The following NUP153 variants were observed in gnomAD, a reference collection of about 807,000 sequenced individuals.
NUP153 encodes the protein nucleoporin 153.
NUP153 carries 27 observed loss-of-function variants against 134.6 expected under a neutral mutation model. The ratio of observed to expected loss-of-function variants is 0.20; its 90% CI spans 0.15 to 0.28. The LOEUF (loss-of-function observed/expected upper bound fraction) is 0.28. Ranked by LOEUF, NUP153 falls within the 10% of genes least tolerant of loss-of-function variation. The probability of loss-of-function intolerance (pLI) is 1.00; values close to 1 mark genes in which losing one functional copy is unlikely to be tolerated. For synonymous variants in NUP153, 640 were observed against 623.5 expected (o/e 1.03, Z -0.40); for missense variants, 1,821 against 1,731.3 (o/e 1.05, Z -0.92).
At chr6:17,686,616 C>T (rs1041036270) in intron 2 of NUP153, among the ~76,000 whole-genome samples, 1 of 150,934 alleles carries the variant, frequency 6.6e-6, no homozygotes, top group Non-Finnish European at 1.5e-5. Flanking sequence ...AGGATGGTCT[C>T]AATCTCCTGA....
rs1390908551 is a variant in NUP153 at position 17,616,698 on chromosome 6, G to A, written c.4175-3C>T. ...GCTGCCAAACTGGAAAGCCGAACCTGCAATAGTTAAAGCAGAAATACTTCA... is the reference window on the plus strand; with the variant it reads ...GCTGCCAAACTGGAAAGCCGAACCTACAATAGTTAAAGCAGAAATACTTCA... On this transcript the variant is annotated splice_region_variant and splice_polypyrimidine_tract_variant and intron_variant, in intron 20 of 21. Transcript: ENST00000262077. The A allele has an allele frequency of 4.4e-6, 7 of 1,608,708 alleles. No homozygotes were observed. The highest frequency in any genetic ancestry group is 3.4e-6 in the Non-Finnish European group (4 of 1,176,848).
intron 11 of NUP153, among the ~76,000 whole-genome samples, chr6:17,653,685 C>A (rs1437756181): frequency 6.6e-6 from 1 of 152,090 alleles, no homozygotes; most frequent in Admixed American, 6.6e-5. Context: ...ACAAGTGAAA[C>A]CAGTACATGG....
intron 10 of NUP153, 61 bp downstream of exon 10, chr6:17,661,957 T>C: frequency 3.0e-6 from 4 of 1,342,156 alleles, no homozygotes; most frequent in Non-Finnish European, 4.2e-6. Flanking sequence ...TACATGTAAA[T>C]TAAATACAGA....
intron 9 of NUP153, 138 bp downstream of exon 9, chr6:17,665,101 A>G (rs1169802578): frequency 6.6e-6 from 3 of 452,248 alleles, no homozygotes; most frequent in South Asian, 4.4e-5. Context: ...AAAGCATACC[A>G]ATTCATAATC....
chr6:17,653,812 G>C (rs570342242), intron 11 of NUP153, among the ~76,000 whole-genome samples: 1 of 152,294 alleles, frequency 6.6e-6, no homozygotes, highest in South Asian at 2.1e-4. Context: ...GATAGGGCTT[G>C]CATTACACAG....
chr6:17,673,632 G>A (rs1768046949), intron 5 of NUP153, among the ~76,000 whole-genome samples: 1 of 152,104 alleles, frequency 6.6e-6, no homozygotes, highest in South Asian at 2.1e-4. Flanking sequence ...CATTACGGAA[G>A]TACAAATCAA....
chr6:17,658,529 C>T (rs75684024), intron 11 of NUP153, among the ~76,000 whole-genome samples: 9,237 of 152,244 alleles, frequency 0.061, 382 homozygotes, highest in Non-Finnish European at 0.082. Context: ...TTGACAATAA[C>T]CAGTCACTGG....
rs1432746833 is a variant in NUP153 at position 17,661,777 on chromosome 6, C to A, written c.1271G>T (p.Gly424Val). 1 of 1,610,202 alleles carries A rather than the reference C, an allele frequency of 6.2e-7. No individual in the cohort carries two copies. Among genetic ancestry groups the A allele is most frequent in the Non-Finnish European group, 8.5e-7 (1 of 1,178,902 alleles). Reference sequence around the variant, plus strand: ...CAAACTGAAATTTGGATATGAAAAGCCACTGGCAAATAAAAAGAAAATTAA... The same window carrying A: ...CAAACTGAAATTTGGATATGAAAAGACACTGGCAAATAAAAAGAAAATTAA... ...PGQNREQRES[G>V]FSYPNFSLPA... Residue 424 changes from glycine (G) to valine (V), a missense_variant and splice_region_variant, in exon 11 of 22, where the codon GGC (glycine) becomes GTC (valine). Coordinates refer to ENST00000262077, the MANE Select transcript of NUP153 (RefSeq NM_005124.4).
At chr6:17,681,507 C>A (rs887242669) in intron 2 of NUP153, among the ~76,000 whole-genome samples, 1 of 151,954 alleles carries the variant, frequency 6.6e-6, no homozygotes, top group Non-Finnish European at 1.5e-5. Context: ...GTGGCGTGAA[C>A]CCAGATGGAG....
At chr6:17,630,992 G>C (rs1304627295) in intron 17 of NUP153, among the ~76,000 whole-genome samples, 1 of 152,152 alleles carries the variant, frequency 6.6e-6, no homozygotes, top group South Asian at 2.1e-4. Context: ...TACAGGTAGA[G>C]AACAGTATAA....
intron 8 of NUP153, 72 bp downstream of exon 8, chr6:17,668,903 T>C: frequency 1.9e-6 from 2 of 1,029,524 alleles, no homozygotes; most frequent in South Asian, 1.4e-5. Flanking sequence ...AAATCCAATT[T>C]GTATACTTGT....
chr6:17,641,133 T>C (rs1288176762), intron 14 of NUP153, among the ~76,000 whole-genome samples: 1 of 152,214 alleles, frequency 6.6e-6, no homozygotes, highest in Admixed American at 6.5e-5. Context: ...TAAGGGGCGA[T>C]TTCTATTTAC....
intron 2 of NUP153, among the ~76,000 whole-genome samples, chr6:17,679,199 C>G (rs1042477628): frequency 1.3e-5 from 2 of 151,948 alleles, no homozygotes; most frequent in African/African-American, 4.8e-5. Context: ...AGCCAAGTAC[C>G]AGGATACAAA....
intron 12 of NUP153, 129 bp from the exon 13 acceptor site, chr6:17,648,034 C>A: frequency 1.6e-6 from 1 of 636,278 alleles, no homozygotes; most frequent in Non-Finnish European, 2.7e-6. Context: ...ATTTAAAAAT[C>A]TCACTTTAAA....
intron 2 of NUP153, among the ~76,000 whole-genome samples, chr6:17,679,292 C>CA (rs1768428543): frequency 6.6e-6 from 1 of 151,854 alleles, no homozygotes. Context: ...ATAATAGCAT[C>CA]AAAAAGAATA....
In NUP153 at chr6:17,657,400, AT is replaced by A. The variant is rs1181714713; in HGVS notation, c.1395+4252del. ...TCTACTAAAATAAAAAAATAAAAAAATAAAAAAAAAAAAAATAGCTAGCCTT... is the reference window on the plus strand; with the variant it reads ...TCTACTAAAATAAAAAAATAAAAAAAAAAAAAAAAAAAAATAGCTAGCCTT... On this transcript the variant is annotated intron_variant, in intron 11 of 21. Coordinates refer to ENST00000262077, the MANE Select transcript of NUP153 (RefSeq NM_005124.4). Among the ~76,000 whole-genome samples, 378 of 147,386 alleles carry A rather than the reference AT, an allele frequency of 2.6e-3. 1 individual carries two copies. The highest frequency in any genetic ancestry group is 9.3e-3 in the African/African-American group (363 of 39,010).
intron 21 of NUP153, 122 bp from the exon 22 acceptor site, chr6:17,616,303 T>A (rs989693609): frequency 1.6e-6 from 1 of 623,834 alleles, no homozygotes; most frequent in African/African-American, 1.9e-5. Context: ...TAGACTCACA[T>A]TGGTATATAC....
At chr6:17,663,670 A>C (rs1415574038) in intron 9 of NUP153, among the ~76,000 whole-genome samples, 3 of 152,254 alleles carry the variant, frequency 2.0e-5, no homozygotes, top group African/African-American at 7.2e-5. Context: ...ATAAAGAAAT[A>C]CATGGCAAAT....
intron 14 of NUP153, among the ~76,000 whole-genome samples, chr6:17,641,840 A>G (rs1765858671): frequency 1.9e-4 from 1 of 5,314 alleles, no homozygotes; most frequent in African/African-American, 2.1e-4. Flanking sequence ...AGACAGAGCG[A>G]GACTGTCTCA....
Sources: allele counts gnomAD v4.1 joint callset (sites outside exome capture counted in the v4.1 genomes callset), GRCh38; gene constraint gnomAD v4.1.1; transcripts MANE v1.5; gene names NCBI Gene and HGNC (gene_info 2026-07-23, HGNC 2026-07-21).